EEIG2: variants seen among roughly 807,000 people sequenced by gnomAD.
The protein encoded by EEIG2 is family with sequence similarity 102 member B.
the EEIG2 span, among the ~76,000 whole-genome samples, chr1:108,562,365 C>T: frequency 6.6e-6 from 1 of 152,166 alleles, no homozygotes; most frequent in Non-Finnish European, 1.5e-5. Context: ...TTGGGTTAAA[C>T]TCACCCCTTT....
At chr1:108,569,810 C>CA in the EEIG2 span, among the ~76,000 whole-genome samples, 1 of 152,092 alleles carries the variant, frequency 6.6e-6, no homozygotes, top group Non-Finnish European at 1.5e-5. Flanking sequence ...TTAGTCAGTC[C>CA]ACATTTCAGC....
At chr1:108,620,780 C>T in the EEIG2 span, among the ~76,000 whole-genome samples, 12 of 152,094 alleles carry the variant, frequency 7.9e-5, no homozygotes, top group African/African-American at 2.4e-4. Context: ...ATCATTCATT[C>T]GGTACATGTG....
At chr1:108,615,024 GAA>G in the EEIG2 span, among the ~76,000 whole-genome samples, 16 of 152,102 alleles carry the variant, frequency 1.1e-4, no homozygotes, top group Non-Finnish European at 2.1e-4. Flanking sequence ...CATTTAAAGA[GAA>G]AAAAGAGTCA....
the EEIG2 span, among the ~76,000 whole-genome samples, chr1:108,588,410 A>T: frequency 6.6e-6 from 1 of 152,104 alleles, no homozygotes; most frequent in Non-Finnish European, 1.5e-5. Flanking sequence ...AATTGATAGG[A>T]GTGTTAACTC....
the EEIG2 span, among the ~76,000 whole-genome samples, chr1:108,614,310 C>T: frequency 6.6e-6 from 1 of 151,908 alleles, no homozygotes; most frequent in African/African-American, 2.4e-5. Context: ...TAAATATCTA[C>T]CCTTGCATGC....
chr1:108,583,602 C>T, the EEIG2 span, among the ~76,000 whole-genome samples: 123,823 of 152,032 alleles, frequency 0.81, 52,527 homozygotes, highest in Non-Finnish European at 0.94. Flanking sequence ...CTGTTGTTTC[C>T]TACGTATTCC....
the EEIG2 span, among the ~76,000 whole-genome samples, chr1:108,591,967 CAG>C: frequency 6.0e-3 from 912 of 152,294 alleles, 2 homozygotes; most frequent in Non-Finnish European, 8.5e-3. Context: ...TAAAGACAGA[CAG>C]GGGCTTAATC....
At chr1:108,566,102 C>T in the EEIG2 span, among the ~76,000 whole-genome samples, 84 of 152,188 alleles carry the variant, frequency 5.5e-4, no homozygotes, top group Middle Eastern at 3.4e-3. Flanking sequence ...CTTCATGTAT[C>T]TTTTCATATC....
the EEIG2 span, among the ~76,000 whole-genome samples, chr1:108,574,531 G>A: frequency 1.3e-5 from 2 of 152,056 alleles, no homozygotes; most frequent in East Asian, 1.9e-4. Context: ...CAGGCAGATC[G>A]CCTGAGATCA....
the EEIG2 span, among the ~76,000 whole-genome samples, chr1:108,585,805 C>A: frequency 6.6e-6 from 1 of 152,092 alleles, no homozygotes; most frequent in Non-Finnish European, 1.5e-5. Context: ...TGTAATAACT[C>A]TTTGTGCTGT....
chr1:108,572,108 A>G, the EEIG2 span, among the ~76,000 whole-genome samples: 5 of 152,192 alleles, frequency 3.3e-5, no homozygotes, highest in Non-Finnish European at 5.9e-5. Flanking sequence ...TGCCATGTCT[A>G]ATCAGTATTT....
chr1:108,587,620 A>T, the EEIG2 span, among the ~76,000 whole-genome samples: 1 of 152,170 alleles, frequency 6.6e-6, no homozygotes, highest in African/African-American at 2.4e-5. Context: ...TTCTATCTGC[A>T]CAGTTTTGCC....
the EEIG2 span, among the ~76,000 whole-genome samples, chr1:108,579,984 C>G: frequency 3.1e-3 from 475 of 152,078 alleles, no homozygotes; most frequent in Non-Finnish European, 5.5e-3. Flanking sequence ...GGGCTGGTCT[C>G]GAGCACTTGG....
At chr1:108,595,636 G>A in the EEIG2 span, among the ~76,000 whole-genome samples, 4 of 146,552 alleles carry the variant, frequency 2.7e-5, no homozygotes, top group Admixed American at 6.9e-5. Context: ...AGGGAGGGAG[G>A]GAGGAAGATG....
the EEIG2 span, among the ~76,000 whole-genome samples, chr1:108,634,845 G>C: frequency 9.9e-5 from 15 of 152,148 alleles, no homozygotes; most frequent in African/African-American, 3.6e-4. Context: ...GCCACCATTT[G>C]TCGATAGGTC....
At chr1:108,599,675 G>A in the EEIG2 span, among the ~76,000 whole-genome samples, 1 of 152,188 alleles carries the variant, frequency 6.6e-6, no homozygotes, top group African/African-American at 2.4e-5. Flanking sequence ...ATGACCTTGA[G>A]TTCACTTCTC....
the EEIG2 span, chr1:108,560,277 C>T: frequency 7.1e-4 from 257 of 359,622 alleles, no homozygotes; most frequent in African/African-American, 5.6e-3. Flanking sequence ...GCGGCAGCGG[C>T]CCCGGCCGCG....
the EEIG2 span, among the ~76,000 whole-genome samples, chr1:108,602,018 T>A: frequency 6.6e-6 from 1 of 152,052 alleles, no homozygotes; most frequent in South Asian, 2.1e-4. Context: ...TGTAGCCAAA[T>A]AAGATTATTT....
At chr1:108,569,092 A>C in the EEIG2 span, among the ~76,000 whole-genome samples, 1 of 152,222 alleles carries the variant, frequency 6.6e-6, no homozygotes, top group African/African-American at 2.4e-5. Flanking sequence ...ATTGTGCCAT[A>C]AAGAAGGAAT....
Sources: gnomAD v4.1 joint callset for allele counts (sites outside exome capture counted in the v4.1 genomes callset) on GRCh38, gnomAD v4.1.1 for gene constraint, MANE v1.5 for transcripts, NCBI Gene and HGNC (gene_info 2026-07-23, HGNC 2026-07-21) for gene names.